The following EXOSC10 variants were observed in gnomAD, a reference collection of about 807,000 sequenced individuals.
EXOSC10 encodes exosome component 10.
A neutral mutation model predicts 126.6 loss-of-function variants in EXOSC10; 94 were observed. The ratio of observed to expected loss-of-function variants is 0.74; its 90% CI spans 0.63 to 0.88. EXOSC10 has a LOEUF of 0.88. Ranked by LOEUF, EXOSC10 falls within the 40% of genes least tolerant of loss-of-function variation. The pLI, the probability that EXOSC10 is intolerant of heterozygous loss-of-function variation, is 0.00. For missense variants in EXOSC10, 1,041 were observed against 1,100.5 expected (o/e 0.95, Z 0.77); for synonymous variants, 395 against 400.8 (o/e 0.99, Z 0.17).
chr1:11,096,066 C>T (rs920815577), intron 2 of EXOSC10, among the ~76,000 whole-genome samples, 185 bp from the exon 3 acceptor site: 1 of 152,074 alleles, frequency 6.6e-6, no homozygotes, highest in Non-Finnish European at 1.5e-5. Context: ...TCTCTGCAAC[C>T]TCAACCTCCC....
At chr1:11,074,847 A>G (rs555449550) in intron 17 of EXOSC10, among the ~76,000 whole-genome samples, 1 of 152,306 alleles carries the variant, frequency 6.6e-6, no homozygotes, top group African/African-American at 2.4e-5. Flanking sequence ...AATTCTCAGC[A>G]TGTCCTCATA....
intron 23 of EXOSC10, among the ~76,000 whole-genome samples, 168 bp from the exon 24 acceptor site, chr1:11,068,252 G>T (rs970764331): frequency 6.6e-6 from 1 of 152,142 alleles, no homozygotes; most frequent in African/African-American, 2.4e-5. Context: ...GCCAGGATGC[G>T]CTGCAAGAGG....
At chr1:11,085,419 G>A (rs916133750) in intron 9 of EXOSC10, among the ~76,000 whole-genome samples, 1 of 151,922 alleles carries the variant, frequency 6.6e-6, no homozygotes, top group African/African-American at 2.4e-5. Context: ...TCATGATTTG[G>A]CTCTCTGTTA....
chr1:11,094,904 T>A (rs1170813573), intron 3 of EXOSC10, among the ~76,000 whole-genome samples: 1 of 151,706 alleles, frequency 6.6e-6, no homozygotes, highest in African/African-American at 2.4e-5. Flanking sequence ...CTGGCTGGAA[T>A]AAGGCACTTT....
chr1:11,082,426 G>T, intron 10 of EXOSC10: 3 of 700,098 alleles, frequency 4.3e-6, no homozygotes, highest in Non-Finnish European at 6.4e-6. Context: ...AGACCAGCAT[G>T]GGCAAATACT....
intron 9 of EXOSC10, 131 bp downstream of exon 9, chr1:11,087,317 T>C: frequency 9.2e-7 from 1 of 1,082,754 alleles, no homozygotes; most frequent in East Asian, 2.4e-5. Context: ...TTTAGCACTG[T>C]ACCCTAGTTA....
chr1:11,077,199 C>A (rs1639866614), intron 16 of EXOSC10, 166 bp downstream of exon 16: 1 of 701,788 alleles, frequency 1.4e-6, no homozygotes, highest in African/African-American at 1.8e-5. Flanking sequence ...CCATGTTGGC[C>A]AGGCTGGTCT....
chr1:11,098,221 T>C, intron 1 of EXOSC10, 65 bp from the exon 2 acceptor site: 1 of 1,534,694 alleles, frequency 6.5e-7, no homozygotes, highest in Non-Finnish European at 8.7e-7. Context: ...TATGTCATTT[T>C]TTTGATCTAT....
At chr1:11,076,334 C>A in intron 17 of EXOSC10, among the ~76,000 whole-genome samples, 2 of 150,408 alleles carry the variant, frequency 1.3e-5, no homozygotes, top group African/African-American at 2.4e-5. Context: ...GGTGGCAGAA[C>A]AAGATTGTCT....
At chr1:11,090,506 A>T in intron 6 of EXOSC10, 48 bp downstream of exon 6, 1 of 1,482,430 alleles carries the variant, frequency 6.7e-7, no homozygotes, top group Non-Finnish European at 9.4e-7. Context: ...AAATGTGGCA[A>T]AAAGGTAAGT....
intron 3 of EXOSC10, among the ~76,000 whole-genome samples, chr1:11,092,677 C>A (rs533003602): frequency 6.6e-6 from 1 of 152,134 alleles, no homozygotes; most frequent in African/African-American, 2.4e-5. Flanking sequence ...GCCACCACGC[C>A]CAGCTAATTT....
At chr1:11,095,979 C>T in intron 2 of EXOSC10, 98 bp from the exon 3 acceptor site, 1 of 1,349,702 alleles carries the variant, frequency 7.4e-7, no homozygotes, top group Non-Finnish European at 1.0e-6. Context: ...CAGACTGTTC[C>T]CAACACATCT....
In EXOSC10 at chr1:11,095,637, C is replaced by A. The variant is rs1641040794; in HGVS notation, c.372+121G>T. ...GCTGAGGCAGGAGAGTGTTGTGAACCCGGGAGGCAGAGCTTGCAGTGAGTC... is the reference window on the plus strand; with the variant it reads ...GCTGAGGCAGGAGAGTGTTGTGAACACGGGAGGCAGAGCTTGCAGTGAGTC... On this transcript the variant is annotated intron_variant, in intron 3 of 24. Coordinates refer to ENST00000376936, the MANE Select transcript of EXOSC10 (RefSeq NM_001001998.3). 3.4e-6 allele frequency: 3 copies of A among 878,568 alleles called. No individual in the cohort carries two copies. In the South Asian group the frequency reaches 4.6e-5, roughly 13 times the overall value. 54.4% of individuals were successfully genotyped at this position (878,568 alleles called of 1,614,324 possible).
chr1:11,090,406 G>A (rs558794604), intron 6 of EXOSC10, 148 bp downstream of exon 6: 2 of 708,730 alleles, frequency 2.8e-6, no homozygotes, highest in South Asian at 3.1e-5. Context: ...AACACAAACA[G>A]CAGGTTTTAT....
intron 1 of EXOSC10, among the ~76,000 whole-genome samples, chr1:11,099,470 C>T (rs1641306321): frequency 6.6e-6 from 1 of 152,240 alleles, no homozygotes; most frequent in South Asian, 2.1e-4. Context: ...AAGCCTTTCC[C>T]AGGATGCGAG....
At chr1:11,086,813 C>G (rs1483947150) in intron 9 of EXOSC10, among the ~76,000 whole-genome samples, 1 of 152,118 alleles carries the variant, frequency 6.6e-6, no homozygotes, top group African/African-American at 2.4e-5. Flanking sequence ...GGGACACATT[C>G]AAAGCAGTGC....
intron 8 of EXOSC10, 48 bp from the exon 9 acceptor site, chr1:11,087,639 T>TA: frequency 1.3e-6 from 2 of 1,598,088 alleles, no homozygotes; most frequent in Non-Finnish European, 1.7e-6. Context: ...AAGATTATAT[T>TA]AGACTTTCCT....
chr1:11,091,720 G>A (rs1011247213), intron 3 of EXOSC10, 123 bp from the exon 4 acceptor site: 21 of 705,886 alleles, frequency 3.0e-5, no homozygotes, highest in South Asian at 1.0e-4. Context: ...GTGCAGTGGC[G>A]CAATCTTGCC....
chr1:11,068,875 G>A (rs1379893100), intron 22 of EXOSC10, 169 bp from the exon 23 acceptor site: 19 of 626,292 alleles, frequency 3.0e-5, no homozygotes, highest in Non-Finnish European at 5.1e-5. Flanking sequence ...AATACATAGC[G>A]ATCCTGGTCC....
Sources: gnomAD v4.1 joint callset for allele counts (sites outside exome capture counted in the v4.1 genomes callset) on GRCh38, gnomAD v4.1.1 for gene constraint, MANE v1.5 for transcripts, NCBI Gene and HGNC (gene_info 2026-07-23, HGNC 2026-07-21) for gene names.